The following MSRA variants were observed in gnomAD, a reference collection of about 807,000 sequenced individuals.
MSRA encodes the protein methionine sulfoxide reductase A, also known as mitochondrial peptide methionine sulfoxide reductase.
A neutral mutation model predicts 31.3 loss-of-function variants in MSRA; 54 were observed. That is an observed-to-expected ratio of 1.73 (90% CI 1.39 to 2.17). The LOEUF is 2.17. Among genes scored for constraint, MSRA ranks in the 30% most tolerant of loss-of-function variants. The pLI, the probability that MSRA is intolerant of heterozygous loss-of-function variation, is 0.00. For missense variants in MSRA, 507 were observed against 300.9 expected (o/e 1.69, Z -5.07); for synonymous variants, 169 against 116.5 (o/e 1.45, Z -2.90).
chr8:10,106,505 A>C (rs1216523004), intron 1 of MSRA, among the ~76,000 whole-genome samples: 1 of 152,202 alleles, frequency 6.6e-6, no homozygotes, highest in Non-Finnish European at 1.5e-5. Flanking sequence ...GTTTAATTAC[A>C]AACCCTGTTT....
At chr8:10,405,267 A>T (rs1001681142) in intron 5 of MSRA, among the ~76,000 whole-genome samples, 1 of 151,892 alleles carries the variant, frequency 6.6e-6, no homozygotes, top group African/African-American at 2.4e-5. Context: ...CTGCAGGATC[A>T]GAGTATTGCC....
chr8:10,325,771 C>T (rs1802327384), intron 5 of MSRA, among the ~76,000 whole-genome samples: 1 of 152,174 alleles, frequency 6.6e-6, no homozygotes, highest in African/African-American at 2.4e-5. Flanking sequence ...GCCGATCTAA[C>T]CAACTGCTTT....
intron 1 of MSRA, among the ~76,000 whole-genome samples, chr8:10,205,705 T>G (rs1043900914): frequency 2.0e-5 from 3 of 152,188 alleles, no homozygotes; most frequent in African/African-American, 7.2e-5. Flanking sequence ...AGGAAATAAA[T>G]AAAAATAAAT....
intron 2 of MSRA, among the ~76,000 whole-genome samples, chr8:10,238,621 C>T (rs957160711): frequency 7.2e-5 from 11 of 151,962 alleles, no homozygotes; most frequent in South Asian, 2.1e-4. Context: ...CTACTTACAA[C>T]GATGTCATAT....
intron 1 of MSRA, among the ~76,000 whole-genome samples, chr8:10,111,348 A>G (rs1308180711): frequency 3.3e-5 from 5 of 152,066 alleles, no homozygotes; most frequent in Non-Finnish European, 7.4e-5. Context: ...TCCCTCATTG[A>G]GATGCTACAC....
At chr8:10,303,720 G>A (rs920415849) in intron 4 of MSRA, among the ~76,000 whole-genome samples, 1 of 152,178 alleles carries the variant, frequency 6.6e-6, no homozygotes, top group African/African-American at 2.4e-5. Context: ...TGAGGAAGAG[G>A]TAAGGAAGGG....
rs553614479 is a variant in MSRA, at chr8:10,071,289, A to G, written c.142+16631A>G. Among the ~76,000 whole-genome samples the G allele has an allele frequency of 3.3e-5, 5 of 152,174 alleles. No individual in the cohort carries two copies. In the South Asian group the frequency reaches 6.2e-4, roughly 19 times the overall value. ...AGATCTTTTAATGTGCTTGTTTGTCATTTGTATATCCTCTTTCGTTAAATG... is the reference window on the plus strand; with the variant it reads ...AGATCTTTTAATGTGCTTGTTTGTCGTTTGTATATCCTCTTTCGTTAAATG... On this transcript the variant is annotated intron_variant, in intron 1 of 5. Transcript: ENST00000317173.
rs534642712 is a variant in MSRA at position 10,074,058 on chromosome 8, C to CTTTTTTTTTTTT, written c.142+19429_142+19440dup. On this transcript the variant is annotated intron_variant, in intron 1 of 5. Transcript: ENST00000317173. ...CATTTTGTTTTGTCTAAGGGAGGTG[C>CTTTTTTTTTTTT]TTTTTTTTTTTTTTTTTTTTTTTTT... Among the ~76,000 whole-genome samples, 52 of 29,452 alleles carry CTTTTTTTTTTTT rather than the reference C, an allele frequency of 1.8e-3. 10 individuals are homozygous for CTTTTTTTTTTTT. Among genetic ancestry groups the CTTTTTTTTTTTT allele is most frequent in the East Asian group, 5.1e-3 (3 of 588 alleles). The allele number at this position is 29,452 out of a possible 152,430, so 19.3% of individuals were successfully genotyped here. A position where few individuals can be genotyped will look rare whatever the true frequency, so the allele number is the denominator to read the frequency against.
chr8:10,290,813 T>G (rs765098851), intron 3 of MSRA, among the ~76,000 whole-genome samples: 1 of 152,182 alleles, frequency 6.6e-6, no homozygotes, highest in African/African-American at 2.4e-5. Context: ...AAAAGGCCAT[T>G]TAATAAACTG....
intron 2 of MSRA, among the ~76,000 whole-genome samples, chr8:10,226,373 C>T (rs1811000966): frequency 6.6e-6 from 1 of 152,166 alleles, no homozygotes; most frequent in Non-Finnish European, 1.5e-5. Flanking sequence ...AAGAGGGTCC[C>T]CTTGTGGCTG....
intron 1 of MSRA, among the ~76,000 whole-genome samples, chr8:10,143,729 A>C (rs924667278): frequency 6.6e-6 from 1 of 152,116 alleles, no homozygotes; most frequent in Non-Finnish European, 1.5e-5. Flanking sequence ...TTTCGTTTCC[A>C]ATCACCCTGT....
intron 1 of MSRA, among the ~76,000 whole-genome samples, chr8:10,067,928 G>A (rs1797544387): frequency 7.9e-6 from 1 of 126,562 alleles, no homozygotes; most frequent in African/African-American, 2.9e-5. Flanking sequence ...CTATTGCCCA[G>A]GCTGGAGTGC....
intron 2 of MSRA, among the ~76,000 whole-genome samples, chr8:10,222,441 T>C (rs927375673): frequency 3.5e-5 from 4 of 113,938 alleles, no homozygotes; most frequent in Admixed American, 2.4e-4. Context: ...TGGAAAACAG[T>C]GTGGAGGTTT....
At chr8:10,269,360 A>T (rs1387099388) in intron 3 of MSRA, among the ~76,000 whole-genome samples, 1 of 152,268 alleles carries the variant, frequency 6.6e-6, no homozygotes, top group Non-Finnish European at 1.5e-5. Flanking sequence ...AACAGAACTT[A>T]TAGCAGAATC....
At chr8:10,185,609 A>G (rs1208231467) in intron 1 of MSRA, among the ~76,000 whole-genome samples, 1 of 152,196 alleles carries the variant, frequency 6.6e-6, no homozygotes, top group East Asian at 1.9e-4. Context: ...GGAAAGAACC[A>G]AAGAGAGAGC....
chr8:10,400,060 C>G (rs571573205), intron 5 of MSRA, among the ~76,000 whole-genome samples: 1 of 152,254 alleles, frequency 6.6e-6, no homozygotes, highest in African/African-American at 2.4e-5. Context: ...ATTTCAGTGT[C>G]TCTAAAGGTG....
At chr8:10,310,246 T>A (rs1801362704) in intron 4 of MSRA, among the ~76,000 whole-genome samples, 1 of 152,188 alleles carries the variant, frequency 6.6e-6, no homozygotes, top group Admixed American at 6.5e-5. Flanking sequence ...TGCACACATA[T>A]AAAATGCAAA....
intron 1 of MSRA, among the ~76,000 whole-genome samples, chr8:10,157,810 C>T (rs963076202): frequency 1.3e-5 from 2 of 152,036 alleles, no homozygotes; most frequent in African/African-American, 4.8e-5. Flanking sequence ...ATCTCCCTGT[C>T]TCTCTCTTCC....
intron 1 of MSRA, among the ~76,000 whole-genome samples, chr8:10,185,646 C>G (rs10112893): frequency 6.6e-6 from 1 of 152,066 alleles, no homozygotes; most frequent in African/African-American, 2.4e-5. Flanking sequence ...GCAGATGGTT[C>G]TCTGTGATCT....
Sources: allele counts gnomAD v4.1 joint callset (sites outside exome capture counted in the v4.1 genomes callset), GRCh38; gene constraint gnomAD v4.1.1; transcripts MANE v1.5; gene names NCBI Gene and HGNC (gene_info 2026-07-23, HGNC 2026-07-21).